Variants in FARP1 observed in about 807,000 individuals in gnomAD.
The protein encoded by FARP1 is FERM, ARH/RhoGEF and pleckstrin domain protein 1, also known as FERM, ARHGEF and pleckstrin domain-containing protein 1.
In FARP1, 52 loss-of-function variants were observed where a neutral mutation model predicts 128.8. The ratio of observed to expected loss-of-function variants is 0.40; its 90% CI spans 0.32 to 0.51. The LOEUF (loss-of-function observed/expected upper bound fraction) is 0.51. Among genes scored for constraint, FARP1 ranks in the 20% least tolerant of loss-of-function variants. The pLI is 0.45. For missense variants in FARP1, 1,333 were observed against 1,367.9 expected (o/e 0.97, Z 0.40); for synonymous variants, 580 against 551.8 (o/e 1.05, Z -0.72).
chr13:98,144,265 A>C (rs1424866369), intron 1 of FARP1, among the ~76,000 whole-genome samples: 1 of 151,588 alleles, frequency 6.6e-6, no homozygotes, highest in African/African-American at 2.4e-5. Flanking sequence ...CCCTGTAATG[A>C]GTCTGGATCT....
chr13:98,432,961 G>C (rs745698322), intron 18 of FARP1: 7 of 148,514 alleles, frequency 4.7e-5, no homozygotes, highest in Non-Finnish European at 8.9e-5. Context: ...GGTGTTGGGG[G>C]GATCTCGAAG....
intron 2 of FARP1, among the ~76,000 whole-genome samples, chr13:98,251,843 T>G (rs1027822579): frequency 6.6e-6 from 1 of 152,116 alleles, no homozygotes; most frequent in Non-Finnish European, 1.5e-5. Flanking sequence ...TAATTGTATG[T>G]ATGTATGTAT....
intron 2 of FARP1, among the ~76,000 whole-genome samples, chr13:98,339,953 C>G (rs185007065): frequency 5.1e-4 from 78 of 152,264 alleles, no homozygotes; most frequent in East Asian, 7.7e-4. Flanking sequence ...ATTGTATGCA[C>G]TCCATACATT....
intron 3 of FARP1, among the ~76,000 whole-genome samples, chr13:98,360,998 G>A (rs1367018664): frequency 6.6e-6 from 1 of 152,178 alleles, no homozygotes; most frequent in African/African-American, 2.4e-5. Context: ...CTTAGGATGC[G>A]GGAAAAAGTG....
At chr13:98,271,808 C>T (rs1166885878) in intron 2 of FARP1, among the ~76,000 whole-genome samples, 3 of 152,144 alleles carry the variant, frequency 2.0e-5, no homozygotes, top group Non-Finnish European at 4.4e-5. Flanking sequence ...TCTAATCTAT[C>T]ACTGATTTGA....
intron 2 of FARP1, chr13:98,333,137 A>C (rs1887581134): frequency 6.6e-6 from 1 of 152,116 alleles, no homozygotes; most frequent in Admixed American, 6.6e-5. Context: ...GTGGTGTCCT[A>C]CTTTCTACAA....
chr13:98,176,535 G>A lies in FARP1; in HGVS notation c.-24+33043G>A, dbSNP rs1203202614. 1.2e-6 allele frequency: 2 copies of A among 1,614,164 alleles called. No individual in the cohort carries two copies. The highest frequency in any genetic ancestry group is 2.2e-5 in the East Asian group (1 of 44,874). On this transcript the variant is annotated intron_variant, in intron 1 of 26. Transcript: ENST00000319562. The surrounding 1 kb of genome is among the most constrained non-coding windows in gnomAD (Gnocchi z 6.2). ...GGTTTTCGTCCTCGCAGATACAGTAGCGACCCTCTTCAAGCTCCCGTTCAA... is the reference window on the plus strand; with the variant it reads ...GGTTTTCGTCCTCGCAGATACAGTAACGACCCTCTTCAAGCTCCCGTTCAA...
intron 2 of FARP1, among the ~76,000 whole-genome samples, chr13:98,223,448 C>G (rs1304753296): frequency 6.6e-6 from 1 of 152,170 alleles, no homozygotes; most frequent in Non-Finnish European, 1.5e-5. Context: ...GCCTCAGTCC[C>G]CCGACAGCTG....
chr13:98,155,397 A>G (rs1236748397), intron 1 of FARP1, among the ~76,000 whole-genome samples: 1 of 150,904 alleles, frequency 6.6e-6, no homozygotes, highest in Admixed American at 6.6e-5. Context: ...TCTGCTACCA[A>G]GGAGCCCGAT....
chr13:98,283,229 A>T (rs748602695), intron 2 of FARP1, among the ~76,000 whole-genome samples: 2 of 152,210 alleles, frequency 1.3e-5, no homozygotes, highest in Non-Finnish European at 2.9e-5. Context: ...AGGAATTTTC[A>T]TAAGGAAAAT....
chr13:98,253,078 G>T (rs1374607421), intron 2 of FARP1, among the ~76,000 whole-genome samples: 1 of 152,210 alleles, frequency 6.6e-6, no homozygotes. Flanking sequence ...GGAGTGTGGT[G>T]CATTAATAGC....
At chr13:98,193,990 T>C (rs1277933960) in intron 1 of FARP1, among the ~76,000 whole-genome samples, 1 of 152,210 alleles carries the variant, frequency 6.6e-6, no homozygotes, top group East Asian at 1.9e-4. Context: ...GTTTATTTTC[T>C]AGATGGATTT....
chr13:98,293,388 G>A (rs910611835), intron 2 of FARP1, among the ~76,000 whole-genome samples: 2 of 152,154 alleles, frequency 1.3e-5, no homozygotes, highest in African/African-American at 4.8e-5. Flanking sequence ...CAGGCTCAGA[G>A]TCATACTTCA....
At position 98,198,706 on chromosome 13, in the gene FARP1, G is replaced by A. The variant is rs1400835345; in HGVS notation, c.-23-14514G>A. On this transcript the variant is annotated intron_variant, in intron 1 of 26. Transcript: ENST00000319562. ...AGCCTGGCCAACACAGTGAAACCCT[G>A]TCTCTACTAAAAATAGAAAAGATTA... Among the ~76,000 whole-genome samples the A allele has an allele frequency of 7.2e-5, 11 of 151,874 alleles. No individual in the cohort carries two copies. The East Asian group carries it at 2.0e-3, about 27-fold the overall frequency.
intron 2 of FARP1, among the ~76,000 whole-genome samples, chr13:98,320,025 A>G (rs1009500700): frequency 2.0e-5 from 3 of 152,188 alleles, no homozygotes; most frequent in African/African-American, 7.2e-5. Context: ...GGTGGAATGT[A>G]GCTGAGGATG....
intron 1 of FARP1, among the ~76,000 whole-genome samples, chr13:98,150,231 A>C (rs1298031040): frequency 6.6e-6 from 1 of 151,720 alleles, no homozygotes; most frequent in African/African-American, 2.4e-5. Context: ...GGGTTTCACC[A>C]TGTTGGCCAA....
intron 2 of FARP1, among the ~76,000 whole-genome samples, chr13:98,240,236 A>G (rs1357108317): frequency 6.6e-6 from 1 of 152,148 alleles, no homozygotes; most frequent in Admixed American, 6.5e-5. Context: ...ACTTTTGGAA[A>G]AGGAACACGC....
intron 24 of FARP1, among the ~76,000 whole-genome samples, chr13:98,442,436 AG>A (rs1892563250): frequency 6.6e-6 from 1 of 152,188 alleles, no homozygotes; most frequent in Admixed American, 6.5e-5. Flanking sequence ...GACATCCTCA[AG>A]GGGACACATC....
chr13:98,302,388 T>C (rs1885960448), intron 2 of FARP1, among the ~76,000 whole-genome samples: 1 of 152,092 alleles, frequency 6.6e-6, no homozygotes, highest in Non-Finnish European at 1.5e-5. Context: ...CACACTCATC[T>C]TTTTTTTCAC....
Sources: allele counts gnomAD v4.1 joint callset (sites outside exome capture counted in the v4.1 genomes callset), GRCh38; gene constraint gnomAD v4.1.1; non-coding constraint Gnocchi (gnomAD v3.1); transcripts MANE v1.5; gene names NCBI Gene and HGNC (gene_info 2026-07-23, HGNC 2026-07-21).